Variants in CCDC32 observed in about 807,000 individuals in gnomAD.
The protein encoded by CCDC32 is coiled-coil domain-containing protein 32.
A neutral mutation model predicts 20.1 loss-of-function variants in CCDC32; 9 were observed. The observed-to-expected ratio is 0.45, with a 90% CI of 0.27 to 0.78. CCDC32 has a LOEUF of 0.78. Among genes scored for constraint, CCDC32 ranks in the 30% least tolerant of loss-of-function variants. The pLI, the probability that CCDC32 is intolerant of heterozygous loss-of-function variation, is 0.16. For synonymous variants in CCDC32, 63 were observed against 79.0 expected (o/e 0.80, Z 1.07); for missense variants, 204 against 215.5 (o/e 0.95, Z 0.33).
chr15:40,563,112 C>G (rs1890767681), intron 1 of CCDC32, 85 bp from the exon 2 acceptor site: 1 of 1,478,640 alleles, frequency 6.8e-7, no homozygotes, highest in Non-Finnish European at 9.1e-7. Context: ...ACTGTAATCC[C>G]AACACTTTGG....
chr15:40,558,432 A>G (rs942703230), intron 2 of CCDC32, among the ~76,000 whole-genome samples: 1 of 152,180 alleles, frequency 6.6e-6, no homozygotes, highest in African/African-American at 2.4e-5. Context: ...CATAGCATAC[A>G]TTTAAGTTTT....
chr15:40,529,075 T>G (rs1402631278), intron 3 of CCDC32, among the ~76,000 whole-genome samples: 1 of 152,228 alleles, frequency 6.6e-6, no homozygotes, highest in African/African-American at 2.4e-5. Flanking sequence ...CAGAAACCTC[T>G]GTGGACCCAC....
chr15:40,533,677 G>GTTTTTTAAAACGTTTTAAAACGTATCC (rs1888983960), downstream of CCDC32, among the ~76,000 whole-genome samples: 1 of 151,948 alleles, frequency 6.6e-6, no homozygotes, highest in South Asian at 2.1e-4. Context: ...TTTTCAGCAC[G>GTTTTTTAAAACGTTTTAAAACGTATCC]TTTTTTAAAA....
chr15:40,537,415 G>A (rs918888029), downstream of CCDC32: 3 of 152,246 alleles, frequency 2.0e-5, no homozygotes, highest in Non-Finnish European at 4.4e-5. Context: ...TGCAGTGCCT[G>A]TGTCCCAAGG....
chr15:40,530,040 C>G (rs1041298681), downstream of CCDC32, among the ~76,000 whole-genome samples: 2 of 151,008 alleles, frequency 1.3e-5, no homozygotes, highest in Non-Finnish European at 1.5e-5. Context: ...ACCTGCAATC[C>G]CAGCGTTTTG....
intron 2 of CCDC32, among the ~76,000 whole-genome samples, chr15:40,558,281 TA>T: frequency 1.3e-5 from 2 of 152,268 alleles, no homozygotes; most frequent in East Asian, 1.9e-4. Flanking sequence ...TCACATCAGC[TA>T]ACACCCACTG....
intron 2 of CCDC32, chr15:40,562,116 G>A (rs1890683571): frequency 6.6e-6 from 1 of 151,064 alleles, no homozygotes; most frequent in Non-Finnish European, 1.5e-5. Flanking sequence ...ATGTAGCCCT[G>A]GGGCCATCAC....
In CCDC32 at chr15:40,553,154, A is replaced by G; in HGVS notation, c.*817T>C. The G allele has an allele frequency of 1.0e-6, 1 of 985,514 alleles. No homozygotes were observed. Among genetic ancestry groups the G allele is most frequent in the Non-Finnish European group, 1.2e-6 (1 of 829,984 alleles). 61.0% of individuals were successfully genotyped at this position (985,514 alleles called of 1,614,324 possible). On this transcript the variant is annotated 3_prime_UTR_variant, in exon 4 of 4. Transcript: ENST00000416810. Reference sequence around the variant, plus strand: ...CATACTGATCATGAACACAATAAACAGGGAGGGAAGCTCGGGCTCAGCCAG... The same window carrying G: ...CATACTGATCATGAACACAATAAACGGGGAGGGAAGCTCGGGCTCAGCCAG...
At chr15:40,558,073 C>T (rs1038483319) in intron 2 of CCDC32, 4 of 152,182 alleles carry the variant, frequency 2.6e-5, no homozygotes, top group African/African-American at 9.7e-5. Flanking sequence ...CTCTTGTTTG[C>T]ATTTTAACTC....
chr15:40,545,616 G>C (rs1047824259), intron 3 of CCDC32, among the ~76,000 whole-genome samples: 20 of 152,150 alleles, frequency 1.3e-4, no homozygotes, highest in African/African-American at 4.6e-4. Context: ...CTAGGGAATC[G>C]AGGAGCAAAG....
rs558234764 is a variant in CCDC32, at chr15:40,553,871, C to T, written c.*100G>A. 9.4e-6 allele frequency: 14 copies of T among 1,482,446 alleles called. No individual in the cohort carries two copies. The East Asian group carries it at 2.5e-4, about 26-fold the overall frequency. The allele number at this position is 1,482,446 out of a possible 1,614,324, so 91.8% of individuals were successfully genotyped here. A position where few individuals can be genotyped will look rare whatever the true frequency, so the allele number is the denominator to read the frequency against. ...TCCCTGCTGCTGTCACTGAGCTCCA[C>T]GCTGCTCGCTCTGGACCCGAGACAG... On this transcript the variant is annotated 3_prime_UTR_variant, in exon 4 of 4. Transcript: ENST00000416810.
downstream of CCDC32, chr15:40,536,103 C>CA (rs1183403735): frequency 6.6e-6 from 1 of 152,268 alleles, no homozygotes; most frequent in Admixed American, 6.5e-5. Flanking sequence ...TGGAGTCCCC[C>CA]AAAGGGGTCC....
At chr15:40,546,258 C>G (rs896030437) in intron 3 of CCDC32, among the ~76,000 whole-genome samples, 1 of 149,438 alleles carries the variant, frequency 6.7e-6, no homozygotes, top group African/African-American at 2.5e-5. Flanking sequence ...GTGGCATGAT[C>G]TTGGCTCACT....
intron 2 of CCDC32, 54 bp downstream of exon 2, chr15:40,562,718 C>T: frequency 6.4e-7 from 1 of 1,556,726 alleles, no homozygotes; most frequent in Non-Finnish European, 8.7e-7. Context: ...GAATAGGAAA[C>T]CAAGTTTGAT....
chr15:40,535,063 G>A (rs1346010751), downstream of CCDC32: 2 of 735,792 alleles, frequency 2.7e-6, no homozygotes, highest in African/African-American at 3.5e-5. Flanking sequence ...ACCAGACTGT[G>A]GAGGGTCTTG....
In CCDC32 at chr15:40,557,357, C is replaced by A; in HGVS notation, c.260G>T (p.Arg87Ile). The change falls in exon 3 of 4, where the codon AGA (arginine) becomes ATA (isoleucine). Residue 87 changes from arginine to isoleucine, a missense_variant. Transcript: ENST00000416810. The stretch of plus-strand genomic sequence containing the variant: ...CACTTCCTGATTTAAACCTTTGATT[C>A]TTCTTAGCTTCTTCTCTAGAGAGAG... ...YLASLEKKLR[R>I]IKGLNQEVTS... The A allele has an allele frequency of 6.2e-7, 1 of 1,611,328 alleles. No individual in the cohort carries two copies. Among genetic ancestry groups the A allele is most frequent in the Non-Finnish European group, 8.5e-7 (1 of 1,179,150 alleles).
chr15:40,564,513 C>T (rs1890887261), intron 1 of CCDC32, among the ~76,000 whole-genome samples: 2 of 152,026 alleles, frequency 1.3e-5, no homozygotes, highest in Admixed American at 1.3e-4. Flanking sequence ...ACGCAAAGAG[C>T]CTGGAGGCTT....
At chr15:40,523,821 A>G (rs1046537328), downstream of CCDC32, among the ~76,000 whole-genome samples, 35 of 152,356 alleles carry the variant, frequency 2.3e-4, no homozygotes, top group Non-Finnish European at 4.4e-4. Context: ...CACATGGAAC[A>G]ATTAGAACTC....
intron 2 of CCDC32, among the ~76,000 whole-genome samples, chr15:40,559,005 T>C (rs1031572578): frequency 2.0e-5 from 3 of 152,138 alleles, no homozygotes; most frequent in Non-Finnish European, 4.4e-5. Context: ...GATTTTGTCA[T>C]GTTGGCCAGG....
Sources: allele counts gnomAD v4.1 joint callset (sites outside exome capture counted in the v4.1 genomes callset), GRCh38; gene constraint gnomAD v4.1.1; transcripts MANE v1.5; gene names NCBI Gene and HGNC (gene_info 2026-07-23, HGNC 2026-07-21).